The following NLRP2 variants were observed in gnomAD, a reference collection of about 807,000 sequenced individuals.
The protein encoded by NLRP2 is NLR family pyrin domain containing 2, also known as NACHT, LRR and PYD domains-containing protein 2.
A neutral mutation model predicts 97.2 loss-of-function variants in NLRP2; 107 were observed. That is an observed-to-expected ratio of 1.10 (90% CI 0.94 to 1.29). The LOEUF is 1.29. Ranked by LOEUF, NLRP2 falls within the 50% of genes most tolerant of loss-of-function variation. NLRP2 has a pLI of 0.00. For synonymous variants in NLRP2, 663 were observed against 551.5 expected, an observed-to-expected ratio of 1.20 and a Z score of -2.83; for missense variants, 1,495 against 1,330.3, an observed-to-expected ratio of 1.12 and a Z score of -1.93.
chr19:54,974,150 C>G, intron 2 of NLRP2: 1 of 625,358 alleles, frequency 1.6e-6, no homozygotes, highest in Non-Finnish European at 2.9e-6. Flanking sequence ...GGTCAGGAGT[C>G]TGAGACCAGC....
intron 1 of NLRP2, among the ~76,000 whole-genome samples, chr19:54,968,177 C>T (rs1181064883): frequency 6.6e-6 from 1 of 150,762 alleles, no homozygotes; most frequent in Non-Finnish European, 1.5e-5. Context: ...CTTGGACTCC[C>T]AAAGTGCTGT....
chr19:54,974,637 C>A, intron 3 of NLRP2, 93 bp downstream of exon 3: 1 of 938,604 alleles, frequency 1.1e-6, no homozygotes, highest in Non-Finnish European at 1.7e-6. Context: ...ACTAAGAATG[C>A]AAAGAAATGC....
Position 54,970,126 on chromosome 19 carries a change from C to G in NLRP2, c.111C>G (p.His37Gln), listed in dbSNP as rs367922223. 2.5e-5 allele frequency: 41 copies of G among 1,613,968 alleles called. No individual in the cohort carries two copies. The highest frequency in any genetic ancestry group is 3.3e-5 in the Admixed American group (2 of 59,954). Residue 37 changes from histidine to glutamine, a missense_variant, in exon 2 of 13, where the codon CAC (histidine) becomes CAG (glutamine). By Grantham distance (24) the His-to-Gln change is conservative. Transcript: ENST00000448584. ...KYLITTFSLA[H>Q]ELQKIPHKEV... ...TGATCACGACCTTCTCCCTGGCACA[C>G]GAGCTCCAGAAGATCCCCCACAAGG...
intron 1 of NLRP2, among the ~76,000 whole-genome samples, chr19:54,967,365 C>T (rs1307832246): frequency 6.6e-6 from 1 of 151,812 alleles, no homozygotes; most frequent in Non-Finnish European, 1.5e-5. Flanking sequence ...ACTTGTAATC[C>T]TAGCTACTCA....
chr19:55,001,023 G>GT lies in NLRP2; in HGVS notation c.*129dup, dbSNP rs1280664278. 8.4e-6 allele frequency: 7 copies of GT among 832,020 alleles called. No homozygotes were observed. Among genetic ancestry groups the GT allele is most frequent in the Middle Eastern group, 2.8e-4 (1 of 3,530 alleles). 51.5% of individuals were successfully genotyped at this position (832,020 alleles called of 1,614,324 possible). On this transcript the variant is annotated 3_prime_UTR_variant, in exon 13 of 13. Transcript: ENST00000448584. The stretch of plus-strand genomic sequence containing the variant: ...TAATGAGTTCATTGCTGGGCTAGAT[G>GT]TTTTAGCCATGATTCTGCCTCTGTT...
rs1169953525 is a variant in NLRP2 at position 54,981,819 on chromosome 19, C to T, written c.463+137C>T. On this transcript the variant is annotated intron_variant, in intron 5 of 12. Transcript: ENST00000448584. The stretch of plus-strand genomic sequence containing the variant: ...TCGAGACGGAGTTTTGCTCTTGTTG[C>T]CCAGGCTGGAGTGCCGTGGCGTGAT... 1.4e-5 allele frequency: 10 copies of T among 732,730 alleles called. 1 individual carries two copies. The highest frequency in any genetic ancestry group is 4.0e-5 in the Admixed American group (2 of 50,130). The allele number at this position is 732,730 out of a possible 1,614,324, so 45.4% of individuals were successfully genotyped here.
At chr19:54,994,462 C>T in intron 11 of NLRP2, 23 bp downstream of exon 11, 1 of 1,609,842 alleles carries the variant, frequency 6.2e-7, no homozygotes, top group Non-Finnish European at 8.5e-7. Context: ...ATAAGTTCAA[C>T]TTCCTATACT....
At chr19:54,981,512 C>CCCA in intron 4 of NLRP2, 105 bp from the exon 5 acceptor site, 6 of 273,620 alleles carry the variant, frequency 2.2e-5, no homozygotes, top group South Asian at 6.3e-5. Flanking sequence ...ATCCCGTGCC[C>CCCA]CCCCTCCCCC....
intron 8 of NLRP2, among the ~76,000 whole-genome samples, chr19:54,988,876 CAT>C (rs2072271563): frequency 6.6e-6 from 1 of 151,608 alleles, no homozygotes. Flanking sequence ...CACCTTGAAA[CAT>C]AGGTTAGTGG....
At position 54,990,170 on chromosome 19, in the gene NLRP2, A is replaced by T; in HGVS notation, c.2515A>T (p.Lys839Ter). ...GCTGTACACAACTTTGAGACACCCC[A>T]AGTGCTTTCTGCAGAGGTTGTCGTA... ...KLLYTTLRHP[K>*]CFLQRLSLEN... The change falls in exon 9 of 13, where the codon AAG (lysine) becomes TAG (stop). Residue 839 changes from lysine to a stop codon, truncating the protein, a stop_gained. Coordinates refer to ENST00000448584, the MANE Select transcript of NLRP2 (RefSeq NM_017852.5). LOFTEE classifies it high-confidence loss of function. 1 of 1,614,090 alleles carries T rather than the reference A, an allele frequency of 6.2e-7. No individual in the cohort carries two copies. Among genetic ancestry groups the T allele is most frequent in the Non-Finnish European group, 8.5e-7 (1 of 1,180,018 alleles).
chr19:54,998,175 C>T (rs28542384), intron 12 of NLRP2, among the ~76,000 whole-genome samples: 45,482 of 151,650 alleles, frequency 0.3, 7,151 homozygotes, highest in Middle Eastern at 0.42. Context: ...TGCACCACCA[C>T]ACCTAGGTAA....
chr19:54,990,448 G>A, intron 9 of NLRP2, 54 bp from the exon 10 acceptor site: 1 of 1,580,442 alleles, frequency 6.3e-7, no homozygotes, highest in South Asian at 1.1e-5. Flanking sequence ...GAGCTAGCCG[G>A]GAAGGTTGAA....
At chr19:54,972,163 TCTA>T (rs1230247797) in intron 2 of NLRP2, among the ~76,000 whole-genome samples, 8 of 151,668 alleles carry the variant, frequency 5.3e-5, no homozygotes, top group African/African-American at 1.5e-4. Flanking sequence ...TTAGAACTAC[TCTA>T]CTTTCTACCC....
rs1256254549 is a variant in NLRP2 at position 54,990,725 on chromosome 19, A to G, written c.2708+53A>G. On this transcript the variant is annotated intron_variant, in intron 10 of 12. Transcript: ENST00000448584. Reference sequence around the variant, plus strand: ...GTGGGTGTATATGCACACGCCCCCCACCTCCGGGTTTGAGTAGGGTGGTTA... The same window carrying G: ...GTGGGTGTATATGCACACGCCCCCCGCCTCCGGGTTTGAGTAGGGTGGTTA... 3.1e-6 allele frequency: 5 copies of G among 1,590,732 alleles called. No homozygotes were observed. The South Asian group carries it at 3.3e-5, about 11-fold the overall frequency.
chr19:54,981,176 A>G (rs148174892), intron 4 of NLRP2, among the ~76,000 whole-genome samples: 1 of 151,850 alleles, frequency 6.6e-6, no homozygotes, highest in Non-Finnish European at 1.5e-5. Context: ...AAGCTTATTT[A>G]TTTATTTTAT....
At chr19:54,996,880 G>A (rs2072855399) in intron 11 of NLRP2, among the ~76,000 whole-genome samples, 1 of 151,870 alleles carries the variant, frequency 6.6e-6, no homozygotes, top group Non-Finnish European at 1.5e-5. Context: ...ATATTTTCCT[G>A]TTAGCAGATG....
At chr19:54,977,339 T>G (rs1255868872) in intron 3 of NLRP2, among the ~76,000 whole-genome samples, 1 of 151,934 alleles carries the variant, frequency 6.6e-6, no homozygotes, top group Non-Finnish European at 1.5e-5. Context: ...GAGAATCACT[T>G]GAACCCAGGA....
chr19:54,984,330 T>TGTGTGTTTTTTTTTTTTTTG (rs1491551086), intron 6 of NLRP2, among the ~76,000 whole-genome samples: 2 of 13,670 alleles, frequency 1.5e-4, no homozygotes, highest in African/African-American at 1.3e-3. Flanking sequence ...TTTTTTTGTG[T>TGTGTGTTTTTTTTTTTTTTG]TTTTTTTTTT....
chr19:54,966,630 C>G (rs1281181903), intron 1 of NLRP2, among the ~76,000 whole-genome samples, 163 bp downstream of exon 1: 2 of 151,526 alleles, frequency 1.3e-5, no homozygotes, highest in Non-Finnish European at 2.9e-5. Flanking sequence ...ACTGCAAGCT[C>G]CGCCTCCCGG....
Sources: gnomAD v4.1 joint callset for allele counts (sites outside exome capture counted in the v4.1 genomes callset) on GRCh38, gnomAD v4.1.1 for gene constraint, MANE v1.5 for transcripts, NCBI Gene and HGNC (gene_info 2026-07-23, HGNC 2026-07-21) for gene names.